DLG2: variants seen among roughly 807,000 people sequenced by gnomAD.
The protein encoded by DLG2 is discs large MAGUK scaffold protein 2.
In DLG2, 45 loss-of-function variants were observed where a neutral mutation model predicts 132.5. The observed-to-expected ratio is 0.34, with a 90% CI of 0.27 to 0.44. The LOEUF is 0.44. DLG2 is among the 20% of genes least tolerant of loss of function. The probability of loss-of-function intolerance (pLI) is 1.00; values close to 1 mark genes in which losing one functional copy is unlikely to be tolerated. For missense variants in DLG2, 1,045 were observed against 1,196.9 expected (o/e 0.87, Z 1.87); for synonymous variants, 424 against 419.6 (o/e 1.01, Z -0.13).
intron 19 of DLG2, among the ~76,000 whole-genome samples, chr11:83,569,822 G>A (rs1052229634): frequency 1.2e-4 from 18 of 152,230 alleles, no homozygotes; most frequent in African/African-American, 4.3e-4. Context: ...GGGGCCATGT[G>A]GAGAGACTCA....
intron 3 of DLG2, among the ~76,000 whole-genome samples, chr11:85,433,886 C>T (rs901148490): frequency 1.3e-5 from 2 of 152,198 alleles, no homozygotes; most frequent in Non-Finnish European, 2.9e-5. Context: ...TGCCACATGG[C>T]ATTTACTGTA....
intron 7 of DLG2, chr11:84,316,960 G>A (rs577303039): frequency 6.2e-7 from 1 of 1,612,764 alleles, no homozygotes; most frequent in East Asian, 2.2e-5. Context: ...CCCCGGTCCT[G>A]TTTGAAGCTG....
chr11:84,239,956 A>G (rs2097205484), intron 8 of DLG2, among the ~76,000 whole-genome samples: 2 of 152,140 alleles, frequency 1.3e-5, no homozygotes, highest in Non-Finnish European at 2.9e-5. Context: ...CTTTTCTCCC[A>G]TAATAACGGG....
intron 6 of DLG2, among the ~76,000 whole-genome samples, chr11:84,903,972 T>C (rs2091220787): frequency 6.6e-6 from 1 of 152,080 alleles, no homozygotes; most frequent in African/African-American, 2.4e-5. Flanking sequence ...AATTTACAAA[T>C]GGAGAAATAC....
chr11:85,160,242 CAGG>C (rs1452739678), intron 4 of DLG2, among the ~76,000 whole-genome samples: 1 of 152,186 alleles, frequency 6.6e-6, no homozygotes, highest in East Asian at 1.9e-4. Context: ...TGTTCCAGAA[CAGG>C]AGAAGGCTCT....
chr11:85,072,668 T>A (rs1029575615), intron 6 of DLG2, among the ~76,000 whole-genome samples: 1 of 151,798 alleles, frequency 6.6e-6, no homozygotes, highest in African/African-American at 2.4e-5. Context: ...AAGTAATTTG[T>A]CCTAGGTTAC....
chr11:84,851,108 A>T (rs575266142), intron 6 of DLG2, among the ~76,000 whole-genome samples: 2 of 152,228 alleles, frequency 1.3e-5, no homozygotes, highest in South Asian at 4.1e-4. Flanking sequence ...CATCCAGAAC[A>T]TTACTTGCAT....
At chr11:85,522,351 G>T (rs1285619849) in intron 3 of DLG2, among the ~76,000 whole-genome samples, 4 of 152,228 alleles carry the variant, frequency 2.6e-5, no homozygotes, top group Non-Finnish European at 4.4e-5. Context: ...TGGATGTCCA[G>T]GTAGAAGTCT....
chr11:83,798,809 C>T (rs926806909), intron 17 of DLG2, among the ~76,000 whole-genome samples: 1 of 152,030 alleles, frequency 6.6e-6, no homozygotes, highest in South Asian at 2.1e-4. Flanking sequence ...AGAAGGCTCC[C>T]GTTCTTTTTC....
intron 21 of DLG2, among the ~76,000 whole-genome samples, chr11:83,512,602 T>C (rs1012698522): frequency 1.3e-5 from 2 of 152,168 alleles, no homozygotes; most frequent in Non-Finnish European, 2.9e-5. Context: ...TACATATGTA[T>C]ACATGTGCCT....
intron 18 of DLG2, among the ~76,000 whole-genome samples, chr11:83,742,209 T>A (rs1159086935): frequency 1.1e-5 from 1 of 87,492 alleles, no homozygotes; most frequent in Non-Finnish European, 2.2e-5. Context: ...ACCACACTTT[T>A]AACACACACA....
intron 17 of DLG2, among the ~76,000 whole-genome samples, chr11:83,806,687 A>G (rs1299897059): frequency 6.6e-6 from 1 of 152,154 alleles, no homozygotes; most frequent in Non-Finnish European, 1.5e-5. Flanking sequence ...CGATGTCCTC[A>G]TACATTATTA....
At chr11:85,464,287 G>T (rs2092711584) in intron 3 of DLG2, among the ~76,000 whole-genome samples, 1 of 152,132 alleles carries the variant, frequency 6.6e-6, no homozygotes, top group African/African-American at 2.4e-5. Context: ...AGCATTGCAT[G>T]AGAGAGAGTT....
At position 83,990,250 on chromosome 11, in the gene DLG2, T is replaced by C. The variant is rs150928073; in HGVS notation, c.920-9608A>G. Among the ~76,000 whole-genome samples, 763 of 152,254 alleles carry C rather than the reference T, an allele frequency of 5.0e-3. 3 individuals are homozygous for C. The highest frequency in any genetic ancestry group is 8.7e-3 in the Non-Finnish European group (595 of 68,014). ...CTCAAGTAATTAAAAATGACCTGTT[T>C]GGCAATCACTTGACGCACATACAGA... is the stretch of plus-strand genomic sequence containing the variant. On this transcript the variant is annotated intron_variant, in intron 11 of 27. Transcript: ENST00000376104.
intron 3 of DLG2, among the ~76,000 whole-genome samples, chr11:85,497,370 A>T (rs1313015490): frequency 1.3e-5 from 2 of 151,764 alleles, no homozygotes; most frequent in African/African-American, 4.8e-5. Context: ...AGGAGACAAG[A>T]TTATAGAAAA....
intron 3 of DLG2, among the ~76,000 whole-genome samples, chr11:85,288,093 T>A (rs2078670308): frequency 6.6e-6 from 1 of 152,066 alleles, no homozygotes; most frequent in Non-Finnish European, 1.5e-5. Flanking sequence ...TTTCTAGATG[T>A]CAGTAGCAAT....
chr11:83,808,869 G>A (rs1313153906), intron 17 of DLG2, among the ~76,000 whole-genome samples: 1 of 151,878 alleles, frequency 6.6e-6, no homozygotes, highest in East Asian at 1.9e-4. Context: ...ATTCTCCCCT[G>A]CAGGGTCTCA....
rs66827556 is a variant in DLG2, at chr11:84,207,081, C to CTATATATA, written c.574-43578_574-43571dup. Among the ~76,000 whole-genome samples, 771 of 146,984 alleles carry CTATATATA rather than the reference C, an allele frequency of 5.2e-3. 1 individual carries two copies. The highest frequency in any genetic ancestry group is 8.0e-3 in the Non-Finnish European group (532 of 66,676). On this transcript the variant is annotated intron_variant, in intron 8 of 27. Transcript: ENST00000376104. Reference sequence around the variant, plus strand: ...TAAATCTCTCTCTCTCTCTCTCTCTCTATATATATATATGTATGTATATAT... The same window carrying CTATATATA: ...TAAATCTCTCTCTCTCTCTCTCTCTCTATATATATATATATATATATGTATGTATATAT...
chr11:84,272,820 A>T (rs2097743869), intron 7 of DLG2, among the ~76,000 whole-genome samples: 1 of 152,188 alleles, frequency 6.6e-6, no homozygotes, highest in African/African-American at 2.4e-5. Flanking sequence ...TGGGGAAATA[A>T]ACATTGCAGT....
Sources: gnomAD v4.1 joint callset for allele counts (sites outside exome capture counted in the v4.1 genomes callset) on GRCh38, gnomAD v4.1.1 for gene constraint, MANE v1.5 for transcripts, NCBI Gene and HGNC (gene_info 2026-07-23, HGNC 2026-07-21) for gene names.